SH3PXD2B: variants seen among roughly 807,000 people sequenced by gnomAD.
SH3PXD2B encodes SH3 and PX domains 2B, also known as SH3 and PX domain-containing protein 2B.
In SH3PXD2B, 37 loss-of-function variants were observed where a neutral mutation model predicts 73.1. That is an observed-to-expected ratio of 0.51 (90% confidence interval 0.39 to 0.67). The LOEUF is 0.67. Ranked by LOEUF, SH3PXD2B falls within the 30% of genes least tolerant of loss-of-function variation. The pLI is 0.00. For synonymous variants in SH3PXD2B, 457 were observed against 480.5 expected, an observed-to-expected ratio of 0.95 and a Z score of 0.64; for missense variants, 1,053 against 1,197.8, an observed-to-expected ratio of 0.88 and a Z score of 1.78.
rs1757196875 is a variant in SH3PXD2B at position 172,353,224 on chromosome 5, T to C, written c.785+664A>G. On this transcript the variant is annotated intron_variant, in intron 9 of 12. Coordinates refer to ENST00000311601, the MANE Select transcript of SH3PXD2B (RefSeq NM_001017995.3). The surrounding 1 kb of genome is among the most constrained non-coding windows in gnomAD (Gnocchi z 4.3). ...AATGGCCCGAATGTCCCGCCACACA[T>C]CACAGCGCAGACACTAGATTGCAGG... is the stretch of plus-strand genomic sequence containing the variant. 6.6e-6 allele frequency among the ~76,000 whole-genome samples: 1 copy of C among 152,112 alleles called. No homozygotes were observed. The highest frequency in any genetic ancestry group is 1.5e-5 in the Non-Finnish European group (1 of 68,014).
chr5:172,423,231 A>G (rs1446630743), intron 1 of SH3PXD2B, among the ~76,000 whole-genome samples: 3 of 152,218 alleles, frequency 2.0e-5, no homozygotes, highest in Non-Finnish European at 4.4e-5. Flanking sequence ...GGCCCCGGAC[A>G]CACCAGGTAG....
Position 172,340,008 on chromosome 5 carries a change from A to G in SH3PXD2B, c.1189-92T>C, listed in dbSNP as rs189057168. 162 of 1,570,984 alleles carry G rather than the reference A, an allele frequency of 1.0e-4. No homozygotes were observed. In the East Asian group the frequency reaches 3.3e-3, roughly 32 times the overall value. The stretch of plus-strand genomic sequence containing the variant: ...AGAACCCATGTGCAACTGGAGCTCT[A>G]GAAGCTGTCACTGTGTACTCAGCAG... On this transcript the variant is annotated intron_variant, in intron 12 of 12. Coordinates refer to ENST00000311601, the MANE Select transcript of SH3PXD2B (RefSeq NM_001017995.3).
At position 172,348,659 on chromosome 5, in the gene SH3PXD2B, C is replaced by G. The variant is rs1206481959; in HGVS notation, c.1013-1327G>C. ...CTATGTATCTATCTATCTATCCTAT[C>G]TATCTATCTATCTATCTATCTATCT... On this transcript the variant is annotated intron_variant, in intron 10 of 12. Transcript: ENST00000311601. Among the ~76,000 whole-genome samples the G allele has an allele frequency of 3.5e-3, 377 of 107,858 alleles. 6 individuals carry two copies. The highest frequency in any genetic ancestry group is 0.012 in the African/African-American group (360 of 30,714). 70.8% of individuals were successfully genotyped at this position (107,858 alleles called of 152,430 possible).
rs1371868165 is a variant in SH3PXD2B, at chr5:172,333,695, A to G, written c.*4674T>C. The G allele has an allele frequency of 7.8e-7, 1 of 1,289,420 alleles. No homozygotes were observed. The highest frequency in any genetic ancestry group is 1.2e-5 in the South Asian group (1 of 81,010). The allele number at this position is 1,289,420 out of a possible 1,614,324, so 79.9% of individuals were successfully genotyped here. On this transcript the variant is annotated 3_prime_UTR_variant, in exon 13 of 13. Coordinates refer to ENST00000311601, the MANE Select transcript of SH3PXD2B (RefSeq NM_001017995.3). The stretch of plus-strand genomic sequence containing the variant: ...ACCACCGGAATGCCAATTTGCCAAG[A>G]GGGTAGAGTAAGTGTGGGGATCTCC...
chr5:172,326,497 C>G (rs924670563), intron 12 of SH3PXD2B, among the ~76,000 whole-genome samples: 1 of 152,140 alleles, frequency 6.6e-6, no homozygotes, highest in African/African-American at 2.4e-5. Context: ...GATATTCAGA[C>G]AAGTGTTTGT....
intron 7 of SH3PXD2B, among the ~76,000 whole-genome samples, chr5:172,360,191 T>C (rs1757367809): frequency 6.6e-6 from 1 of 152,230 alleles, no homozygotes; most frequent in Non-Finnish European, 1.5e-5. Flanking sequence ...TGTAAATATT[T>C]GTATGAAGAT....
At chr5:172,330,696 T>C (rs978304078), downstream of SH3PXD2B, among the ~76,000 whole-genome samples, 13 of 152,228 alleles carry the variant, frequency 8.5e-5, no homozygotes, top group Non-Finnish European at 1.6e-4. Flanking sequence ...AGTGGGAAGA[T>C]TATAGATTCG....
chr5:172,362,990 T>A, intron 6 of SH3PXD2B, 121 bp from the exon 7 acceptor site: 1 of 1,300,194 alleles, frequency 7.7e-7, no homozygotes, highest in Non-Finnish European at 1.1e-6. Flanking sequence ...ACAGGACTCA[T>A]CTCAAGGGTG....
rs541872409 is a variant in SH3PXD2B, at chr5:172,334,885, T to C, written c.*3484A>G. On this transcript the variant is annotated 3_prime_UTR_variant, in exon 13 of 13. Coordinates refer to ENST00000311601, the MANE Select transcript of SH3PXD2B (RefSeq NM_001017995.3). ...TGAAATCCTCAGTGGGCGCAAACAT[T>C]TTAGGGCCAAGAACATTGACTTGGA... The C allele has an allele frequency of 1.0e-6, 1 of 985,324 alleles. No homozygotes were observed. Among genetic ancestry groups the C allele is most frequent in the South Asian group, 4.7e-5 (1 of 21,276 alleles). The allele number at this position is 985,324 out of a possible 1,614,324, so 61.0% of individuals were successfully genotyped here.
intron 12 of SH3PXD2B, among the ~76,000 whole-genome samples, 173 bp downstream of exon 12, chr5:172,345,963 C>T (rs1428361258): frequency 6.6e-6 from 1 of 152,086 alleles, no homozygotes; most frequent in East Asian, 1.9e-4. Flanking sequence ...ATATCATAAG[C>T]CGCTGAATTT....
intron 1 of SH3PXD2B, among the ~76,000 whole-genome samples, chr5:172,423,658 G>C (rs1238088098): frequency 6.6e-6 from 1 of 151,846 alleles, no homozygotes; most frequent in Non-Finnish European, 1.5e-5. Flanking sequence ...TTTTTGGTTT[G>C]GTTTCTTTTT....
intron 2 of SH3PXD2B, among the ~76,000 whole-genome samples, chr5:172,413,141 G>C (rs1464893424): frequency 6.6e-6 from 1 of 152,234 alleles, no homozygotes; most frequent in Non-Finnish European, 1.5e-5. Context: ...AGCGGAGCCG[G>C]AGCAGGAAGT....
At chr5:172,361,122 G>A (rs1466168739) in intron 7 of SH3PXD2B, among the ~76,000 whole-genome samples, 1 of 151,866 alleles carries the variant, frequency 6.6e-6, no homozygotes, top group African/African-American at 2.4e-5. Flanking sequence ...TACAAAATAT[G>A]ATGTGTTTGT....
intron 1 of SH3PXD2B, among the ~76,000 whole-genome samples, chr5:172,443,340 C>T (rs934836883): frequency 5.3e-5 from 8 of 152,194 alleles, no homozygotes; most frequent in Admixed American, 3.3e-4. Context: ...AAATTTCAGT[C>T]GGAGGTTAGT....
intron 8 of SH3PXD2B, among the ~76,000 whole-genome samples, chr5:172,357,880 T>G (rs1325335926): frequency 6.6e-6 from 1 of 152,258 alleles, no homozygotes; most frequent in Non-Finnish European, 1.5e-5. Context: ...ATATGCTTTA[T>G]GTGGCTCCAT....
chr5:172,378,200 C>T (rs1757860916), intron 5 of SH3PXD2B, among the ~76,000 whole-genome samples: 1 of 152,248 alleles, frequency 6.6e-6, no homozygotes, highest in Non-Finnish European at 1.5e-5. Flanking sequence ...GCAGCTGCCC[C>T]TGGCCTGGCC....
At chr5:172,439,133 A>C (rs1476944458) in intron 1 of SH3PXD2B, among the ~76,000 whole-genome samples, 1 of 151,234 alleles carries the variant, frequency 6.6e-6, no homozygotes, top group Non-Finnish European at 1.5e-5. Context: ...CCAGCTACTC[A>C]GGAGGCTAAG....
chr5:172,406,073 A>G (rs1208052152), intron 3 of SH3PXD2B, among the ~76,000 whole-genome samples: 2 of 152,218 alleles, frequency 1.3e-5, no homozygotes, highest in African/African-American at 4.8e-5. Flanking sequence ...GGTCACTGCC[A>G]AGGTCTGATT....
At position 172,362,774 on chromosome 5, in the gene SH3PXD2B, C is replaced by T. The variant is rs374467295; in HGVS notation, c.523G>A (p.Val175Met). ...KQESSEISLS[V>M]GQVVDIIEKN... ...TCGATGATGTCCACCACCTGCCCCACGCTGAGGCTGATCTCCGAACTCTCC... is the reference window on the plus strand; with the variant it reads ...TCGATGATGTCCACCACCTGCCCCATGCTGAGGCTGATCTCCGAACTCTCC... The change falls in exon 7 of 13, where the codon GTG becomes ATG. Residue 175 changes from valine to methionine, a missense_variant. Val to Met is a conservative substitution (Grantham distance 21). Around this residue, in one of 2 missense-constraint regions of SH3PXD2B, gnomAD observed 466 missense variants for 607.1 expected, o/e 0.77. Coordinates refer to ENST00000311601, the MANE Select transcript of SH3PXD2B (RefSeq NM_001017995.3). The T allele has an allele frequency of 1.1e-5, 18 of 1,613,950 alleles. No homozygotes were observed. Among genetic ancestry groups the T allele is most frequent in the African/African-American group, 4.0e-5 (3 of 74,872 alleles).
Sources: allele counts gnomAD v4.1 joint callset (sites outside exome capture counted in the v4.1 genomes callset), GRCh38; gene constraint gnomAD v4.1.1; regional missense constraint gnomAD v4.1.1; non-coding constraint Gnocchi (gnomAD v3.1); transcripts MANE v1.5; gene names NCBI Gene and HGNC (gene_info 2026-07-23, HGNC 2026-07-21).